TEX11: variants seen among roughly 807,000 people sequenced by gnomAD.
TEX11 encodes testis expressed 11.
In TEX11, 7 loss-of-function variants were observed where a neutral mutation model predicts 84.4. That is an observed-to-expected ratio of 0.08 (90% CI 0.05 to 0.16). TEX11 has a LOEUF of 0.16. Among genes scored for constraint, TEX11 ranks in the 10% least tolerant of loss-of-function variants. The pLI, the probability that TEX11 is intolerant of heterozygous loss-of-function variation, is 1.00. For synonymous variants in TEX11, 264 were observed against 222.8 expected (o/e 1.18, Z -1.64); for missense variants, 551 against 660.5 (o/e 0.83, Z 1.82).
Position 70,643,143 on chromosome X carries a change from C to A in TEX11, c.1483+8307G>T, listed in dbSNP as rs1422644444. Among the ~76,000 whole-genome samples, 303 of 83,512 alleles carry A rather than the reference C, an allele frequency of 3.6e-3. 1 individual carries two copies. The highest frequency in any genetic ancestry group is 6.0e-3 in the Non-Finnish European group (263 of 43,555). The allele number at this position is 83,512 out of a possible 115,157, so 72.5% of individuals were successfully genotyped here. On this transcript the variant is annotated intron_variant, in intron 17 of 29. Transcript: ENST00000374333. Reference sequence around the variant, plus strand: ...CACCAACAACAGACAAACAGAGAGCCAAATCATGAGTGAACTCCCATTCAC... The same window carrying A: ...CACCAACAACAGACAAACAGAGAGCAAAATCATGAGTGAACTCCCATTCAC...
intron 24 of TEX11, among the ~76,000 whole-genome samples, chrX:70,596,858 T>C (rs932527476): frequency 1.8e-5 from 2 of 110,966 alleles, no homozygotes; most frequent in African/African-American, 6.5e-5. Flanking sequence ...AACAAATTGA[T>C]ATACTTTTGT....
chrX:70,788,967 TATATATAGAGAGAGAGAGAGAGAG>T (rs1358031498), intron 9 of TEX11, among the ~76,000 whole-genome samples: 109 of 31,983 alleles, frequency 3.4e-3, no homozygotes, highest in South Asian at 7.3e-3. Context: ...TATATATATA[TATATATAGAGAGAGAGAGAGAGAG>T]AGAGAGAGAG....
intron 25 of TEX11, among the ~76,000 whole-genome samples, chrX:70,564,151 C>A (rs779398639): frequency 3.7e-4 from 41 of 111,963 alleles, no homozygotes; most frequent in Admixed American, 1.7e-3. Flanking sequence ...ATCGCTGGAA[C>A]CTGGGAGGCA....
chrX:70,721,217 C>T (rs770794915), intron 13 of TEX11, among the ~76,000 whole-genome samples: 1 of 110,980 alleles, frequency 9.0e-6, no homozygotes, highest in African/African-American at 3.3e-5. Context: ...ATCACATTGC[C>T]CCTTCTCCCT....
intron 28 of TEX11, among the ~76,000 whole-genome samples, chrX:70,541,925 G>T (rs2088050819): frequency 8.9e-6 from 1 of 111,898 alleles, no homozygotes; most frequent in South Asian, 3.8e-4. Flanking sequence ...AGGTTGATAG[G>T]TTTGTCTGCT....
At chrX:70,542,957 G>A (rs1044704074) in intron 28 of TEX11, among the ~76,000 whole-genome samples, 10 of 111,758 alleles carry the variant, frequency 8.9e-5, no homozygotes, top group Non-Finnish European at 1.5e-4. Context: ...CGAGGTGGGC[G>A]GATCACAAGG....
chrX:70,704,432 G>A (rs1366627436), intron 13 of TEX11, among the ~76,000 whole-genome samples: 1 of 111,558 alleles, frequency 9.0e-6, no homozygotes, highest in Non-Finnish European at 1.9e-5. Flanking sequence ...CCTTAGAATA[G>A]TGTCTGGTAC....
chrX:70,663,862 T>C (rs957068809), intron 16 of TEX11, among the ~76,000 whole-genome samples: 1 of 111,382 alleles, frequency 9.0e-6, no homozygotes, highest in Non-Finnish European at 1.9e-5. Flanking sequence ...CTTTAGAGGA[T>C]TGGTTCCAGG....
intron 16 of TEX11, among the ~76,000 whole-genome samples, 190 bp from the exon 17 acceptor site, chrX:70,651,742 T>C (rs2025553): frequency 0.52 from 57,141 of 110,110 alleles, 11,347 homozygotes; most frequent in East Asian, 0.75. Flanking sequence ...CTTCTGGAAA[T>C]AGAGTAAGTT....
chrX:70,907,760 G>T lies in TEX11; in HGVS notation c.30C>A (p.Asp10Glu). ...CCACGTAGAGCTACGTACCTTTAAA[G>T]TCCATGGAAAAAAAATCATCATTGT... MDNDDFFSM[D>E]FKEVVENLVT... Residue 10 changes from aspartate (D) to glutamate (E), a missense_variant, in exon 2 of 30, where the codon GAC becomes GAA. Transcript: ENST00000374333. The T allele has an allele frequency of 8.4e-7, 1 of 1,186,965 alleles. No individual in the cohort carries two copies. Among genetic ancestry groups the T allele is most frequent in the Non-Finnish European group, 1.1e-6 (1 of 873,164 alleles).
chrX:70,610,702 T>C (rs1260707548), intron 20 of TEX11, among the ~76,000 whole-genome samples, 159 bp from the exon 21 acceptor site: 4 of 111,855 alleles, frequency 3.6e-5, no homozygotes, highest in East Asian at 2.8e-4. Context: ...AACAATCTTC[T>C]TCCCCACTGT....
At chrX:70,632,099 T>C (rs980446667) in intron 17 of TEX11, among the ~76,000 whole-genome samples, 2 of 61,779 alleles carry the variant, frequency 3.2e-5, no homozygotes, top group African/African-American at 1.1e-4. Flanking sequence ...TTGGGTCTAA[T>C]AAAAATGCTA....
At chrX:70,830,484 C>T (rs1322256001) in intron 8 of TEX11, among the ~76,000 whole-genome samples, 1 of 111,694 alleles carries the variant, frequency 9.0e-6, no homozygotes, top group Non-Finnish European at 1.9e-5. Context: ...AACCAAAATG[C>T]TCTGCACAGC....
intron 9 of TEX11, among the ~76,000 whole-genome samples, chrX:70,758,524 G>A (rs996380787): frequency 8.9e-6 from 1 of 111,927 alleles, no homozygotes. Flanking sequence ...TGACTACTGG[G>A]TAAATAACAA....
intron 9 of TEX11, among the ~76,000 whole-genome samples, chrX:70,774,418 T>C (rs1411284166): frequency 9.0e-6 from 1 of 110,598 alleles, no homozygotes; most frequent in Non-Finnish European, 1.9e-5. Context: ...GCATCCGAAC[T>C]GGAAAAGAGG....
intron 25 of TEX11, among the ~76,000 whole-genome samples, chrX:70,591,192 T>G (rs944014815): frequency 8.9e-6 from 1 of 112,068 alleles, no homozygotes; most frequent in Admixed American, 9.5e-5. Flanking sequence ...TGTTAAACAA[T>G]AATAAAATAT....
intron 12 of TEX11, among the ~76,000 whole-genome samples, chrX:70,725,051 A>T (rs56663425): frequency 0.15 from 14,582 of 97,431 alleles, 914 homozygotes; most frequent in Admixed American, 0.29. Flanking sequence ...AGCTTTTTTT[A>T]AAAAAAAAAA....
chrX:70,529,797 T>C, intron 29 of TEX11, 38 bp downstream of exon 29: 1 of 1,170,447 alleles, frequency 8.5e-7, no homozygotes, highest in Non-Finnish European at 1.1e-6. Flanking sequence ...TCTTGCCCCC[T>C]AGGTCATGTC....
chrX:70,838,761 C>T, intron 7 of TEX11, among the ~76,000 whole-genome samples: 1 of 112,394 alleles, frequency 8.9e-6, no homozygotes, highest in Admixed American at 9.4e-5. Flanking sequence ...CAGATGGCAC[C>T]TGGAAAATCG....
Sources: gnomAD v4.1 joint callset for allele counts (sites outside exome capture counted in the v4.1 genomes callset) on GRCh38, gnomAD v4.1.1 for gene constraint, MANE v1.5 for transcripts, NCBI Gene and HGNC (gene_info 2026-07-23, HGNC 2026-07-21) for gene names.